Variants in THSD4 observed in about 807,000 individuals in gnomAD.
THSD4 encodes the protein thrombospondin type 1 domain containing 4.
Under a neutral mutation model 119.0 loss-of-function variants are expected in THSD4, and 69 were observed. That is an observed-to-expected ratio of 0.58 (90% CI 0.48 to 0.71). The LOEUF (loss-of-function observed/expected upper bound fraction) is 0.71, where lower values mean the gene tolerates loss of function less well. Among genes scored for constraint, THSD4 ranks in the 30% least tolerant of loss-of-function variants. The pLI is 0.00. For synonymous variants in THSD4, 524 were observed against 540.4 expected, an observed-to-expected ratio of 0.97 and a Z score of 0.42; for missense variants, 1,393 against 1,391.1, an observed-to-expected ratio of 1.00 and a Z score of -0.02.
intron 6 of THSD4, among the ~76,000 whole-genome samples, chr15:71,406,169 T>C (rs2140492800): frequency 6.6e-6 from 1 of 152,344 alleles, no homozygotes; most frequent in Non-Finnish European, 1.5e-5. Flanking sequence ...TTTAAAAAGT[T>C]ACCAAATTTT....
intron 6 of THSD4, among the ~76,000 whole-genome samples, chr15:71,343,450 G>A (rs77142166): frequency 0.012 from 1,880 of 152,278 alleles, 44 homozygotes; most frequent in African/African-American, 0.043. Flanking sequence ...GAGGGGAAAA[G>A]TCCAAAGTCA....
intron 7 of THSD4, among the ~76,000 whole-genome samples, chr15:71,549,256 C>T (rs2048889706): frequency 6.6e-6 from 1 of 152,172 alleles, no homozygotes; most frequent in Non-Finnish European, 1.5e-5. Context: ...GATGCCTGCC[C>T]TCCTGCCCCT....
intron 8 of THSD4, among the ~76,000 whole-genome samples, chr15:71,719,980 A>G (rs925001481): frequency 6.6e-6 from 1 of 150,376 alleles, no homozygotes; most frequent in Non-Finnish European, 1.5e-5. Context: ...TCGGCCATCA[A>G]AATACTCTTT....
At chr15:71,513,225 C>A (rs1317895341) in intron 7 of THSD4, among the ~76,000 whole-genome samples, 1 of 152,206 alleles carries the variant, frequency 6.6e-6, no homozygotes, top group Admixed American at 6.5e-5. Flanking sequence ...TTGCCCTTAG[C>A]CTCAGTTTTA....
intron 6 of THSD4, among the ~76,000 whole-genome samples, chr15:71,353,408 T>G (rs145103536): frequency 5.1e-4 from 78 of 152,342 alleles, no homozygotes; most frequent in Middle Eastern, 3.4e-3. Flanking sequence ...TTCAGCTTTT[T>G]CACAGTTTGC....
At chr15:71,616,682 A>G (rs1190106263) in intron 7 of THSD4, among the ~76,000 whole-genome samples, 2 of 152,216 alleles carry the variant, frequency 1.3e-5, no homozygotes, top group Admixed American at 6.5e-5. Flanking sequence ...AGAAAATAGA[A>G]TTGCACCCAG....
chr15:71,574,202 G>T (rs969299684), intron 7 of THSD4, among the ~76,000 whole-genome samples: 1 of 152,106 alleles, frequency 6.6e-6, no homozygotes, highest in Non-Finnish European at 1.5e-5. Context: ...AGAGAGTAAT[G>T]CATCCCTTCA....
At chr15:71,682,914 CTTCTTCTTT>C (rs2051822290) in intron 8 of THSD4, among the ~76,000 whole-genome samples, 2 of 12,140 alleles carry the variant, frequency 1.6e-4, no homozygotes, top group Non-Finnish European at 3.5e-4. Context: ...CTTTCTTCTT[CTTCTTCTTT>C]TTTTTTTTTT....
chr15:71,101,922 C>T (rs913756286), intron 1 of THSD4, among the ~76,000 whole-genome samples: 1 of 152,198 alleles, frequency 6.6e-6, no homozygotes, highest in Admixed American at 6.5e-5. Flanking sequence ...CCATGTTGCC[C>T]AGGGTGGTCT....
At chr15:71,325,583 C>T (rs1471350591) in intron 6 of THSD4, among the ~76,000 whole-genome samples, 1 of 152,194 alleles carries the variant, frequency 6.6e-6, no homozygotes, top group African/African-American at 2.4e-5. Flanking sequence ...CACAGTCCTC[C>T]CTGGAATTCA....
chr15:71,133,039 T>C (rs754582554), intron 1 of THSD4, among the ~76,000 whole-genome samples: 1 of 152,230 alleles, frequency 6.6e-6, no homozygotes, highest in Non-Finnish European at 1.5e-5. Flanking sequence ...TCAGAAAAGC[T>C]GCAGCTCCCA....
chr15:71,298,092 T>C (rs918098814), intron 6 of THSD4, among the ~76,000 whole-genome samples: 4 of 152,204 alleles, frequency 2.6e-5, no homozygotes, highest in African/African-American at 7.2e-5. Flanking sequence ...TAAATTTAGG[T>C]CTTTGATTCA....
intron 14 of THSD4, among the ~76,000 whole-genome samples, chr15:71,751,631 A>G (rs955042307): frequency 2.0e-5 from 3 of 151,956 alleles, no homozygotes; most frequent in Admixed American, 6.6e-5. Context: ...TCCTATTTCT[A>G]AATGTTTGGG....
intron 8 of THSD4, among the ~76,000 whole-genome samples, chr15:71,684,241 G>T (rs1045198745): frequency 6.6e-6 from 1 of 151,850 alleles, no homozygotes; most frequent in South Asian, 2.1e-4. Context: ...TGGTAATTTC[G>T]TTGCGCTTTT....
At chr15:71,124,944 C>T (rs976149892) in intron 1 of THSD4, among the ~76,000 whole-genome samples, 1 of 151,840 alleles carries the variant, frequency 6.6e-6, no homozygotes, top group Admixed American at 6.6e-5. Flanking sequence ...TGGTGTGCAC[C>T]TGTGGTCCCA....
In THSD4 at chr15:71,255,736, T is replaced by A. The variant is rs141918277; in HGVS notation, c.913-877T>A. On this transcript the variant is annotated intron_variant, in intron 5 of 17. Coordinates refer to ENST00000261862, the MANE Select transcript of THSD4 (RefSeq NM_024817.3). ...CAGGCCCCACACCTCACTGGCTGTG[T>A]GACTCCTCCATGCCTCAGTTTGCTC... 4.6e-3 allele frequency among the ~76,000 whole-genome samples: 699 copies of A among 152,318 alleles called. 3 individuals are homozygous for A. Among genetic ancestry groups the A allele is most frequent in the African/African-American group, 0.016 (665 of 41,576 alleles).
At chr15:71,588,160 G>A (rs917710628) in intron 7 of THSD4, among the ~76,000 whole-genome samples, 2 of 151,618 alleles carry the variant, frequency 1.3e-5, no homozygotes, top group African/African-American at 4.8e-5. Context: ...CAAAAAATTA[G>A]CCGGGCGTGG....
At chr15:71,339,576 C>T (rs1193663892) in intron 6 of THSD4, among the ~76,000 whole-genome samples, 1 of 152,092 alleles carries the variant, frequency 6.6e-6, no homozygotes, top group Admixed American at 6.6e-5. Flanking sequence ...GATGGGTTGC[C>T]TGCATTAAAA....
intron 7 of THSD4, among the ~76,000 whole-genome samples, chr15:71,652,288 A>G (rs1243261881): frequency 6.6e-6 from 1 of 152,174 alleles, no homozygotes; most frequent in African/African-American, 2.4e-5. Flanking sequence ...CTGAGACACT[A>G]AAAAATTACA....
Sources: gnomAD v4.1 joint callset for allele counts (sites outside exome capture counted in the v4.1 genomes callset) on GRCh38, gnomAD v4.1.1 for gene constraint, MANE v1.5 for transcripts, NCBI Gene and HGNC (gene_info 2026-07-23, HGNC 2026-07-21) for gene names.